Variants in BRWD1 observed in about 807,000 individuals in gnomAD.
The protein encoded by BRWD1 is bromodomain and WD repeat-containing protein 1.
In BRWD1, 82 loss-of-function variants were observed where a neutral mutation model predicts 251.2. The ratio of observed to expected loss-of-function variants is 0.33; its 90% confidence interval spans 0.27 to 0.39. The LOEUF (loss-of-function observed/expected upper bound fraction) is 0.39. Ranked by LOEUF, BRWD1 falls within the 10% of genes least tolerant of loss-of-function variation. BRWD1 has a pLI of 1.00. For missense variants in BRWD1, 2,233 were observed against 2,711.6 expected, an observed-to-expected ratio of 0.82 and a Z score of 3.92; for synonymous variants, 918 against 902.8, an observed-to-expected ratio of 1.02 and a Z score of -0.30.
At chr21:39,208,096 A>C (rs2032491006) in intron 36 of BRWD1, among the ~76,000 whole-genome samples, 1 of 152,228 alleles carries the variant, frequency 6.6e-6, no homozygotes, top group Non-Finnish European at 1.5e-5. Flanking sequence ...TGTACTCATA[A>C]AAATGGCTAA....
At chr21:39,275,984 A>G (rs2035268475) in intron 12 of BRWD1, among the ~76,000 whole-genome samples, 189 bp downstream of exon 12, 1 of 152,160 alleles carries the variant, frequency 6.6e-6, no homozygotes, top group South Asian at 2.1e-4. Context: ...GTGAGCCGAG[A>G]TTGTGCCACT....
In BRWD1 at chr21:39,195,881, T is replaced by C; in HGVS notation, c.*378A>G. On this transcript the variant is annotated 3_prime_UTR_variant, in exon 41 of 41. Coordinates refer to ENST00000342449, the MANE Select transcript of BRWD1 (RefSeq NM_033656.4). ...GTTGTAACTACTATAGAACAGGGGT[T>C]AGAAACTACTGCCTCTTTGACAAAT... 1.0e-6 allele frequency: 1 copy of C among 1,000,276 alleles called. No individual in the cohort carries two copies. The highest frequency in any genetic ancestry group is 1.2e-6 in the Non-Finnish European group (1 of 840,272). 62.0% of individuals were successfully genotyped at this position (1,000,276 alleles called of 1,614,324 possible).
Position 39,194,380 on chromosome 21 carries a change from C to T in BRWD1, c.*1879G>A, listed in dbSNP as rs2031704285. ...AAATTAATGGATTTGACATCTATCA[C>T]CAGTTTTTAAAATTAGCAAAGTAAA... On this transcript the variant is annotated 3_prime_UTR_variant, in exon 41 of 41. Coordinates refer to ENST00000342449, the MANE Select transcript of BRWD1 (RefSeq NM_033656.4). The T allele has an allele frequency of 3.6e-6, 4 of 1,102,024 alleles. No homozygotes were observed. The South Asian group carries it at 1.5e-4, about 40-fold the overall frequency. The allele number at this position is 1,102,024 out of a possible 1,614,324, so 68.3% of individuals were successfully genotyped here. A position where few individuals can be genotyped will look rare whatever the true frequency, so the allele number is the denominator to read the frequency against.
intron 8 of BRWD1, among the ~76,000 whole-genome samples, chr21:39,291,722 G>A (rs2035812719): frequency 9.3e-6 from 1 of 107,718 alleles, no homozygotes; most frequent in African/African-American, 3.5e-5. Flanking sequence ...CGCCCAGAGG[G>A]GCTTATCTGC....
chr21:39,201,904 C>A (rs1353691013), intron 38 of BRWD1, among the ~76,000 whole-genome samples: 1 of 152,184 alleles, frequency 6.6e-6, no homozygotes, highest in Non-Finnish European at 1.5e-5. Context: ...TAGATACACA[C>A]CACAGCCTCA....
chr21:39,301,893 GAA>G (rs1555877780), intron 4 of BRWD1, among the ~76,000 whole-genome samples: 640 of 56,774 alleles, frequency 0.011, 10 homozygotes, highest in African/African-American at 0.025. Context: ...TTACTGTGCC[GAA>G]AAAAAAAAAA....
In BRWD1 at chr21:39,191,572, A is replaced by AT. The variant is rs2031557680; in HGVS notation, c.*4686dup. 1 of 984,606 alleles carries AT rather than the reference A, an allele frequency of 1.0e-6. No individual in the cohort carries two copies. Among genetic ancestry groups the AT allele is most frequent in the African/African-American group, 1.7e-5 (1 of 57,172 alleles). The allele number at this position is 984,606 out of a possible 1,614,324, so 61.0% of individuals were successfully genotyped here. ...CTTGACAGGCTCATGTAATTTTTTG[A>AT]TTGGGATTTTGTAGGTGAATATATA... On this transcript the variant is annotated 3_prime_UTR_variant, in exon 41 of 41. Transcript: ENST00000342449.
Position 39,210,053 on chromosome 21 carries a change from T to C in BRWD1, c.4139A>G (p.Lys1380Arg), listed in dbSNP as rs778223000. The change falls in exon 36 of 41, where the codon AAA becomes AGA. Residue 1380 changes from lysine to arginine, a missense_variant. This residue lies in a region of BRWD1 where 69 missense variants were observed against 101.6 expected (regional missense o/e 0.68). Coordinates refer to ENST00000342449, the MANE Select transcript of BRWD1 (RefSeq NM_033656.4). ...GNYDSPLEFC[K>R]DIRLIFSNAK... ...ATTGCTAAATATCAGCCGGATGTCTTTGCAAAACTCCAAAGGGCTGTCATA... is the reference window on the plus strand; with the variant it reads ...ATTGCTAAATATCAGCCGGATGTCTCTGCAAAACTCCAAAGGGCTGTCATA... The C allele has an allele frequency of 8.7e-6, 14 of 1,613,610 alleles. No individual in the cohort carries two copies. The highest frequency in any genetic ancestry group is 1.1e-5 in the Non-Finnish European group (13 of 1,179,798).
At chr21:39,256,136 G>C (rs755695436) in intron 18 of BRWD1, among the ~76,000 whole-genome samples, 1 of 152,142 alleles carries the variant, frequency 6.6e-6, no homozygotes, top group Non-Finnish European at 1.5e-5. Flanking sequence ...ATCTTAACAT[G>C]ACTAAGATCA....
At position 39,247,603 on chromosome 21, in the gene BRWD1, G is replaced by A. The variant is rs1468257948; in HGVS notation, c.2481+98C>T. ...TTCATATTAATCTCTGCAGAATGCTGTGTTTTCATATAAATTTGGGGTATA... is the reference window on the plus strand; with the variant it reads ...TTCATATTAATCTCTGCAGAATGCTATGTTTTCATATAAATTTGGGGTATA... On this transcript the variant is annotated intron_variant, in intron 21 of 40. Transcript: ENST00000342449. 11 of 1,250,582 alleles carry A rather than the reference G, an allele frequency of 8.8e-6. No individual in the cohort carries two copies. In the East Asian group the frequency reaches 2.8e-4, roughly 32 times the overall value. 77.5% of individuals were successfully genotyped at this position (1,250,582 alleles called of 1,614,324 possible).
At chr21:39,302,547 A>G (rs2036153389) in intron 4 of BRWD1, among the ~76,000 whole-genome samples, 1 of 151,996 alleles carries the variant, frequency 6.6e-6, no homozygotes. Flanking sequence ...ACCTGAGGTC[A>G]GGAGTTCAAG....
intron 19 of BRWD1, among the ~76,000 whole-genome samples, chr21:39,254,470 A>G (rs1321439266): frequency 1.3e-5 from 2 of 152,234 alleles, no homozygotes; most frequent in African/African-American, 2.4e-5. Flanking sequence ...TTAAACATCA[A>G]TAAAGAATAT....
chr21:39,212,689 T>C lies in BRWD1; in HGVS notation c.3877A>G (p.Lys1293Glu), dbSNP rs773940440. The change falls in exon 34 of 41, where the codon AAA becomes GAA. Residue 1293 changes from lysine (K) to glutamate (E), a missense_variant. Lys to Glu is a moderately conservative substitution (Grantham distance 56). Transcript: ENST00000342449. ...ACTCTCCTCCTTCCAGAAGATGTTT[T>C]AGGAAGATCACTATCATCCTAGGAA... ...AEDLDDSDLP[K>E]TSSGRRRVHD... 2 of 1,580,288 alleles carry C rather than the reference T, an allele frequency of 1.3e-6. No homozygotes were observed. Among genetic ancestry groups the C allele is most frequent in the South Asian group, 2.2e-5 (2 of 88,946 alleles).
At chr21:39,278,556 C>A (rs1463767908) in intron 10 of BRWD1, 187 bp downstream of exon 10, 7 of 523,968 alleles carry the variant, frequency 1.3e-5, no homozygotes, top group Non-Finnish European at 1.4e-5. Context: ...TACCAGAAAT[C>A]AGAGAAAGGC....
chr21:39,261,750 A>G (rs2034754954), intron 17 of BRWD1, among the ~76,000 whole-genome samples: 1 of 152,100 alleles, frequency 6.6e-6, no homozygotes, highest in African/African-American at 2.4e-5. Context: ...GAACACAAAA[A>G]AAAATCATCA....
intron 28 of BRWD1, among the ~76,000 whole-genome samples, 175 bp downstream of exon 28, chr21:39,224,911 T>C (rs567383240): frequency 1.9e-4 from 29 of 152,152 alleles, no homozygotes; most frequent in South Asian, 1.0e-3. Context: ...AGGGGAGTAC[T>C]GGTGAATAGG....
intron 8 of BRWD1, among the ~76,000 whole-genome samples, chr21:39,292,122 T>TGGGGGGGGG (rs1336734101): frequency 9.2e-4 from 2 of 2,184 alleles, no homozygotes; most frequent in Admixed American, 6.2e-3. Context: ...TTGTGGGGGG[T>TGGGGGGGGG]GGGTGGGGGT....
chr21:39,187,427 GAGTGAA>G lies in BRWD1; in HGVS notation c.*8826_*8831del. The G allele has an allele frequency of 6.5e-7, 1 of 1,539,554 alleles. No individual in the cohort carries two copies. Among genetic ancestry groups the G allele is most frequent in the Non-Finnish European group, 8.7e-7 (1 of 1,146,440 alleles). On this transcript the variant is annotated 3_prime_UTR_variant, in exon 41 of 41. Coordinates refer to ENST00000342449, the MANE Select transcript of BRWD1 (RefSeq NM_033656.4). ...TCTCTAGGAACAAATTCTGAAAAAT[GAGTGAA>G]AGTTCATGTAAATGCAAAAATCTTG...
chr21:39,312,494 G>C (rs572742115), intron 4 of BRWD1: 6 of 204,838 alleles, frequency 2.9e-5, no homozygotes, highest in Admixed American at 6.1e-5. Flanking sequence ...TTACAAGCGC[G>C]GTGGAGCGGG....
Sources: allele counts gnomAD v4.1 joint callset (sites outside exome capture counted in the v4.1 genomes callset), GRCh38; gene constraint gnomAD v4.1.1; regional missense constraint gnomAD v4.1.1; transcripts MANE v1.5; gene names NCBI Gene and HGNC (gene_info 2026-07-23, HGNC 2026-07-21).